The following ENPP2 variants were observed in gnomAD, a reference collection of about 807,000 sequenced individuals.
ENPP2 encodes autotaxin.
ENPP2 carries 51 observed loss-of-function variants against 120.2 expected under a neutral mutation model. That is an observed-to-expected ratio of 0.42 (90% confidence interval 0.34 to 0.54). The LOEUF (loss-of-function observed/expected upper bound fraction) is 0.54, where lower values mean the gene tolerates loss of function less well. ENPP2 is among the 20% of genes least tolerant of loss of function. ENPP2 has a pLI of 0.04. For missense variants in ENPP2, 920 were observed against 1,066.5 expected (o/e 0.86, Z 1.91); for synonymous variants, 365 against 366.4 (o/e 1.00, Z 0.04).
chr8:119,600,756 A>G lies in ENPP2; in HGVS notation c.900-6T>C. On this transcript the variant is annotated splice_polypyrimidine_tract_variant and splice_region_variant and intron_variant, in intron 10 of 24. Transcript: ENST00000075322. ...AGAAGGCATAGACCGAAGGCCTATAAGAAAATTGGAAGGTTCAGAATCTCT... is the reference window on the plus strand; with the variant it reads ...AGAAGGCATAGACCGAAGGCCTATAGGAAAATTGGAAGGTTCAGAATCTCT... 1 of 1,586,988 alleles carries G rather than the reference A, an allele frequency of 6.3e-7. No homozygotes were observed. The highest frequency in any genetic ancestry group is 8.7e-7 in the Non-Finnish European group (1 of 1,155,470).
At chr8:119,662,851 C>A (rs1817959908) in intron 1 of ENPP2, among the ~76,000 whole-genome samples, 1 of 152,148 alleles carries the variant, frequency 6.6e-6, no homozygotes, top group African/African-American at 2.4e-5. Flanking sequence ...GTGCCTCATG[C>A]CTTAATCCCA....
At position 119,618,034 on chromosome 8, in the gene ENPP2, C is replaced by A. The variant is rs181412203; in HGVS notation, c.480-471G>T. 273 of 255,606 alleles carry A rather than the reference C, an allele frequency of 1.1e-3. 3 individuals carry two copies. The Middle Eastern group carries it at 0.012, about 11-fold the overall frequency. 15.8% of individuals were successfully genotyped at this position (255,606 alleles called of 1,614,324 possible). On this transcript the variant is annotated intron_variant, in intron 5 of 24. Transcript: ENST00000075322. Reference sequence around the variant, plus strand: ...CCAGTCATGGTTAAATCAAGACTGCCCAACAAAAATACTCTGTCAGTCATT... The same window carrying A: ...CCAGTCATGGTTAAATCAAGACTGCACAACAAAAATACTCTGTCAGTCATT...
intron 2 of ENPP2, among the ~76,000 whole-genome samples, chr8:119,633,019 C>T (rs1018874141): frequency 2.6e-5 from 4 of 152,216 alleles, no homozygotes; most frequent in Admixed American, 2.6e-4. Flanking sequence ...CATGCCATTG[C>T]ACTCCAGCCT....
intron 1 of ENPP2, among the ~76,000 whole-genome samples, chr8:119,656,796 T>C (rs1462687110): frequency 1.3e-5 from 2 of 152,242 alleles, no homozygotes; most frequent in East Asian, 3.8e-4. Context: ...ACATCAGTGA[T>C]ACAGCAGGAA....
chr8:119,604,277 T>C (rs10097501), intron 9 of ENPP2, among the ~76,000 whole-genome samples: 77,061 of 151,498 alleles, frequency 0.51, 19,876 homozygotes, highest in South Asian at 0.7. Context: ...ATCCACCCGC[T>C]TCAGCCTCCC....
intron 9 of ENPP2, among the ~76,000 whole-genome samples, chr8:119,605,639 T>G (rs1425327476): frequency 6.6e-6 from 1 of 151,268 alleles, no homozygotes; most frequent in Non-Finnish European, 1.5e-5. Context: ...TTTGTATTTT[T>G]TTTTTTTTAG....
chr8:119,598,084 A>C (rs1814030894), intron 11 of ENPP2, among the ~76,000 whole-genome samples: 3 of 152,250 alleles, frequency 2.0e-5, no homozygotes. Context: ...GGCATATAGG[A>C]TACACAGGTG....
At chr8:119,616,932 C>G (rs1170077241) in intron 7 of ENPP2, among the ~76,000 whole-genome samples, 1 of 152,090 alleles carries the variant, frequency 6.6e-6, no homozygotes, top group Non-Finnish European at 1.5e-5. Flanking sequence ...TGTATGTGTT[C>G]AAACAGAACT....
chr8:119,566,531 G>A (rs547676413), intron 22 of ENPP2, among the ~76,000 whole-genome samples: 4 of 152,204 alleles, frequency 2.6e-5, no homozygotes, highest in South Asian at 2.1e-4. Context: ...GAGTTCAAAC[G>A]TTAACTTAAG....
intron 18 of ENPP2, 182 bp from the exon 19 acceptor site, chr8:119,580,349 C>T (rs995291481): frequency 8.0e-6 from 5 of 625,784 alleles, no homozygotes; most frequent in African/African-American, 5.5e-5. Flanking sequence ...TGGGCTCCAC[C>T]TCTAGCAGTT....
Position 119,568,366 on chromosome 8 carries a change from A to C in ENPP2, c.2054-114T>G, listed in dbSNP as rs191663618. The C allele has an allele frequency of 3.4e-4, 231 of 676,098 alleles. 2 individuals are homozygous for C. In the East Asian group the frequency reaches 5.7e-3, roughly 17 times the overall value. 41.9% of individuals were successfully genotyped at this position (676,098 alleles called of 1,614,324 possible). On this transcript the variant is annotated intron_variant, in intron 21 of 24. Coordinates refer to ENST00000075322, the MANE Select transcript of ENPP2 (RefSeq NM_001040092.3). Reference sequence around the variant, plus strand: ...AAATGGTCCAAACAACATGAAGTAAATGAATCTACTCTTTTATTCCTACTC... The same window carrying C: ...AAATGGTCCAAACAACATGAAGTAACTGAATCTACTCTTTTATTCCTACTC...
At chr8:119,568,130 T>C (rs752345813) in intron 22 of ENPP2, 45 bp downstream of exon 22, 6 of 1,010,534 alleles carry the variant, frequency 5.9e-6, no homozygotes, top group Non-Finnish European at 9.4e-6. Flanking sequence ...TTTAGAAATG[T>C]TTATTTTCAT....
chr8:119,628,676 T>C (rs1262410835), intron 2 of ENPP2, among the ~76,000 whole-genome samples: 7 of 151,828 alleles, frequency 4.6e-5, no homozygotes, highest in Non-Finnish European at 8.8e-5. Context: ...CAGGATAGAG[T>C]GTTATATATT....
At chr8:119,559,518 T>C (rs1813746726) in intron 24 of ENPP2, among the ~76,000 whole-genome samples, 1 of 152,354 alleles carries the variant, frequency 6.6e-6, no homozygotes, top group Admixed American at 6.5e-5. Flanking sequence ...GTTCTCACAC[T>C]CTGAAATCTG....
chr8:119,562,282 A>C (rs1452271032), intron 24 of ENPP2, among the ~76,000 whole-genome samples: 1 of 151,468 alleles, frequency 6.6e-6, no homozygotes, highest in Non-Finnish European at 1.5e-5. Flanking sequence ...ATCTCTACTA[A>C]AAATACAAAA....
At chr8:119,614,426 A>C (rs1256141831) in intron 8 of ENPP2, among the ~76,000 whole-genome samples, 5 of 152,082 alleles carry the variant, frequency 3.3e-5, no homozygotes, top group African/African-American at 9.7e-5. Context: ...AGTCAGTTTC[A>C]CCACAAATCT....
rs570994752 is a variant in ENPP2 at position 119,644,655 on chromosome 8, T to G, written c.22-6128A>C. ...ACACACACACACACACACATATAGA[T>G]ATATATATATATATACACACACACA... On this transcript the variant is annotated intron_variant, in intron 1 of 25. Transcript: ENST00000427067. Among the ~76,000 whole-genome samples the G allele has an allele frequency of 4.0e-3, 254 of 63,272 alleles. 1 individual carries two copies. The highest frequency in any genetic ancestry group is 0.032 in the African/African-American group (243 of 7,548). The allele number at this position is 63,272 out of a possible 152,430, so 41.5% of individuals were successfully genotyped here.
At chr8:119,572,124 T>C in intron 19 of ENPP2, 1 of 957,784 alleles carries the variant, frequency 1.0e-6, no homozygotes, top group Non-Finnish European at 1.6e-6. Context: ...GTAACAGTAG[T>C]ACTTAGGGGC....
intron 1 of ENPP2, among the ~76,000 whole-genome samples, chr8:119,654,199 T>C (rs1176855820): frequency 7.1e-6 from 1 of 140,914 alleles, no homozygotes; most frequent in Non-Finnish European, 1.5e-5. Context: ...ATGTATTATA[T>C]ATCTAGATAT....
Sources: gnomAD v4.1 joint callset for allele counts (sites outside exome capture counted in the v4.1 genomes callset) on GRCh38, gnomAD v4.1.1 for gene constraint, MANE v1.5 for transcripts, NCBI Gene and HGNC (gene_info 2026-07-23, HGNC 2026-07-21) for gene names.